Variants in PRKACB observed in about 807,000 individuals in gnomAD.
The protein encoded by PRKACB is protein kinase cAMP-activated catalytic subunit beta, also known as cAMP-dependent protein kinase catalytic subunit beta.
PRKACB carries 16 observed loss-of-function variants against 51.4 expected under a neutral mutation model. The ratio of observed to expected loss-of-function variants is 0.31; its 90% CI spans 0.21 to 0.47. PRKACB has a LOEUF of 0.47. PRKACB is among the 20% of genes least tolerant of loss of function. PRKACB has a pLI of 1.00. For synonymous variants in PRKACB, 147 were observed against 154.4 expected (o/e 0.95, Z 0.35); for missense variants, 309 against 464.5 (o/e 0.67, Z 3.08).
rs754434068 is a variant in PRKACB at position 84,235,379 on chromosome 1, G to A, written c.*74G>A. ...TGAGAGATAAGGTAGAGCTGAGACC[G>A]TCCTTGTTGAAGCAGTTACCTAGTT... On this transcript the variant is annotated 3_prime_UTR_variant, in exon 10 of 10. Coordinates refer to ENST00000370685, the MANE Select transcript of PRKACB (RefSeq NM_182948.4). The A allele has an allele frequency of 5.3e-5, 84 of 1,580,168 alleles. 1 individual carries two copies. The highest frequency in any genetic ancestry group is 1.5e-4 in the African/African-American group (11 of 73,204).
chr1:84,157,936 T>A (rs1655708261), intron 1 of PRKACB, among the ~76,000 whole-genome samples: 1 of 152,176 alleles, frequency 6.6e-6, no homozygotes, highest in Non-Finnish European at 1.5e-5. Flanking sequence ...CTAGGTCATA[T>A]GGTAAATTTA....
intron 1 of PRKACB, among the ~76,000 whole-genome samples, chr1:84,084,837 G>A (rs756165601): frequency 1.3e-5 from 2 of 152,162 alleles, no homozygotes; most frequent in Non-Finnish European, 1.5e-5. Flanking sequence ...CGGGATACCC[G>A]TGGCATTTCT....
At chr1:84,194,383 A>G (rs978826376) in intron 5 of PRKACB, among the ~76,000 whole-genome samples, 1 of 152,214 alleles carries the variant, frequency 6.6e-6, no homozygotes, top group East Asian at 1.9e-4. Context: ...CAAGTACTAC[A>G]TATACACTTG....
chr1:84,181,738 G>T (rs1246957708), intron 2 of PRKACB: 1 of 1,495,644 alleles, frequency 6.7e-7, no homozygotes, highest in Non-Finnish European at 8.9e-7. Flanking sequence ...GGTAACTTTA[G>T]TGAAAGAGCT....
chr1:84,205,532 T>C (rs1671208608), intron 8 of PRKACB: 1 of 152,814 alleles, frequency 6.5e-6, no homozygotes, highest in Admixed American at 6.6e-5. Context: ...AGAATTGTTT[T>C]TGTTGATTTT....
chr1:84,108,819 C>G (rs1649990042), intron 1 of PRKACB, among the ~76,000 whole-genome samples: 1 of 151,916 alleles, frequency 6.6e-6, no homozygotes, highest in Non-Finnish European at 1.5e-5. Flanking sequence ...TTGAATTTTT[C>G]TTTGCATTTG....
intron 7 of PRKACB, among the ~76,000 whole-genome samples, chr1:84,201,244 T>C (rs1670019123): frequency 6.6e-6 from 1 of 152,144 alleles, no homozygotes; most frequent in African/African-American, 2.4e-5. Flanking sequence ...TTTACTGATT[T>C]CATAGGCAAT....
At chr1:84,147,420 C>G (rs1445950038) in intron 1 of PRKACB, among the ~76,000 whole-genome samples, 1 of 152,012 alleles carries the variant, frequency 6.6e-6, no homozygotes, top group Non-Finnish European at 1.5e-5. Context: ...AAAAGACTTT[C>G]CACCTTTGTC....
intron 1 of PRKACB, chr1:84,085,994 C>CAGTGGACCCTGCA: frequency 1.4e-6 from 1 of 739,278 alleles, no homozygotes; most frequent in Non-Finnish European, 2.5e-6. Flanking sequence ...TTTCCACGCA[C>CAGTGGACCCTGCA]AGTGGTGTGG....
chr1:84,236,924 A>G lies in PRKACB; in HGVS notation c.*1619A>G, dbSNP rs1676709173. On this transcript the variant is annotated 3_prime_UTR_variant, in exon 10 of 10. Transcript: ENST00000370685. ...TTTTTAATCAAGCTGATCTTAATGT[A>G]TATAATCATTCTATTTGCTTTATTA... The G allele has an allele frequency of 6.6e-6, 1 of 152,418 alleles. No individual in the cohort carries two copies. The highest frequency in any genetic ancestry group is 2.1e-4 in the South Asian group (1 of 4,836). The allele number at this position is 152,418 out of a possible 1,614,324, so 9.4% of individuals were successfully genotyped here.
intron 9 of PRKACB, among the ~76,000 whole-genome samples, chr1:84,215,874 TTTC>T (rs1558305395): frequency 2.0e-5 from 3 of 152,174 alleles, no homozygotes; most frequent in African/African-American, 7.2e-5. Context: ...ATTTAATTTT[TTTC>T]TTCTTTTTTT....
At chr1:84,173,290 TA>T in intron 1 of PRKACB, 2 of 1,519,262 alleles carry the variant, frequency 1.3e-6, no homozygotes, top group Non-Finnish European at 1.8e-6. Context: ...TATGTTATTT[TA>T]TGTGTTATTT....
chr1:84,219,425 A>T (rs1673357763), intron 9 of PRKACB, among the ~76,000 whole-genome samples: 3 of 151,876 alleles, frequency 2.0e-5, no homozygotes, highest in Admixed American at 6.6e-5. Context: ...GAGTTTCACC[A>T]TGTTGGTCAG....
At chr1:84,224,814 C>T (rs1461178383) in intron 9 of PRKACB, among the ~76,000 whole-genome samples, 1 of 152,148 alleles carries the variant, frequency 6.6e-6, no homozygotes, top group East Asian at 1.9e-4. Context: ...TGGATGGATC[C>T]CCAAGCCTCC....
intron 1 of PRKACB, among the ~76,000 whole-genome samples, chr1:84,131,865 C>G (rs969615723): frequency 6.6e-6 from 1 of 152,188 alleles, no homozygotes; most frequent in Non-Finnish European, 1.5e-5. Context: ...ATGGGTTTTG[C>G]TTCTATGTAT....
intron 1 of PRKACB, among the ~76,000 whole-genome samples, chr1:84,107,292 A>T (rs1317910841): frequency 6.6e-6 from 1 of 152,100 alleles, no homozygotes; most frequent in Non-Finnish European, 1.5e-5. Flanking sequence ...TATGCAGAAG[A>T]CTGAAACTGG....
chr1:84,222,319 A>T (rs182869572), intron 9 of PRKACB, among the ~76,000 whole-genome samples: 26 of 152,174 alleles, frequency 1.7e-4, no homozygotes, highest in Admixed American at 1.7e-3. Context: ...TTTACAGGTG[A>T]AGTGAGGTTT....
rs142948525 is a variant in PRKACB at position 84,176,546 on chromosome 1, T to G, written c.188-2631T>G. 6.3e-4 allele frequency among the ~76,000 whole-genome samples: 95 copies of G among 151,934 alleles called. 1 individual carries two copies. The highest frequency in any genetic ancestry group is 2.3e-3 in the African/African-American group (94 of 41,530). On this transcript the variant is annotated intron_variant, in intron 1 of 9. Transcript: ENST00000370685. ...TTTTACAAATAATTATGTTTATCTTTGCATCTACATAGTACACATAAAAAC... is the reference window on the plus strand; with the variant it reads ...TTTTACAAATAATTATGTTTATCTTGGCATCTACATAGTACACATAAAAAC...
At chr1:84,080,199 A>T (rs943681737) in intron 1 of PRKACB, among the ~76,000 whole-genome samples, 3 of 152,172 alleles carry the variant, frequency 2.0e-5, no homozygotes, top group Admixed American at 6.5e-5. Context: ...TATATTTTGG[A>T]TAATGATAAT....
Sources: allele counts gnomAD v4.1 joint callset (sites outside exome capture counted in the v4.1 genomes callset), GRCh38; gene constraint gnomAD v4.1.1; transcripts MANE v1.5; gene names NCBI Gene and HGNC (gene_info 2026-07-23, HGNC 2026-07-21).